ANO9: variants seen among roughly 807,000 people sequenced by gnomAD.
ANO9 encodes anoctamin-9.
In ANO9, 80 loss-of-function variants were observed where a neutral mutation model predicts 100.5. The observed-to-expected ratio is 0.80, with a 90% CI of 0.66 to 0.96. The LOEUF is 0.96. Ranked by LOEUF, ANO9 falls within the 40% of genes least tolerant of loss-of-function variation. The pLI is 0.00. For synonymous variants in ANO9, 473 were observed against 435.6 expected (o/e 1.09, Z -1.07); for missense variants, 1,064 against 1,072.7 (o/e 0.99, Z 0.11).
rs1460944557 is a variant in ANO9 at position 420,244 on chromosome 11, T to C, written c.1786+219A>G. The C allele has an allele frequency of 5.6e-6, 8 of 1,422,620 alleles. No individual in the cohort carries two copies. The African/African-American group carries it at 8.7e-5, about 15-fold the overall frequency. 88.1% of individuals were successfully genotyped at this position (1,422,620 alleles called of 1,614,324 possible). ...TCAAGCCCCTCTGAGATCCTGACGG[T>C]TTGTGGGAGGAGCCTACAAAGCGCT... On this transcript the variant is annotated intron_variant, in intron 19 of 22. Coordinates refer to ENST00000332826, the MANE Select transcript of ANO9 (RefSeq NM_001012302.3).
intron 22 of ANO9, 43 bp from the exon 23 acceptor site, chr11:418,632 C>A (rs1847983758): frequency 1.2e-6 from 2 of 1,611,194 alleles, no homozygotes; most frequent in Admixed American, 1.7e-5. Context: ...CAGGTGCCAG[C>A]TGGCATTTGG....
At chr11:429,923 T>C in intron 9 of ANO9, 105 bp from the exon 10 acceptor site, 1 of 597,012 alleles carries the variant, frequency 1.7e-6, no homozygotes, top group East Asian at 9.5e-5. Context: ...GCAGGTGGGC[T>C]GAGGAAATGG....
chr11:419,975 A>G, intron 19 of ANO9: 1 of 1,391,622 alleles, frequency 7.2e-7, no homozygotes, highest in Non-Finnish European at 9.3e-7. Context: ...ATCTTCCTGA[A>G]CTTCTCAGCT....
intron 7 of ANO9, among the ~76,000 whole-genome samples, chr11:431,076 T>G (rs548139465): frequency 5.8e-3 from 1 of 172 alleles, no homozygotes; most frequent in Non-Finnish European, 7.8e-3. Context: ...ATCTGGGGGC[T>G]TCCGCGGGGG....
At chr11:433,633 C>T (rs1043734756) in intron 3 of ANO9, among the ~76,000 whole-genome samples, 174 bp from the exon 4 acceptor site, 9 of 152,098 alleles carry the variant, frequency 5.9e-5, no homozygotes, top group Non-Finnish European at 5.9e-5. Context: ...GCTCCCCACG[C>T]CCCTGCTTCT....
At chr11:439,523 C>CTCCTGAG (rs1564940764) in intron 1 of ANO9, among the ~76,000 whole-genome samples, 5 of 136,842 alleles carry the variant, frequency 3.7e-5, no homozygotes, top group African/African-American at 8.8e-5. Flanking sequence ...TGAGAAGGAG[C>CTCCTGAG]AGGCCTGGCC....
Position 442,003 on chromosome 11 carries a change from C to T in ANO9, c.-77G>A. 1 of 1,567,448 alleles carries T rather than the reference C, an allele frequency of 6.4e-7. No homozygotes were observed. The highest frequency in any genetic ancestry group is 8.6e-7 in the Non-Finnish European group (1 of 1,163,284). On this transcript the variant is annotated 5_prime_UTR_variant, in exon 1 of 23. Transcript: ENST00000332826. The stretch of plus-strand genomic sequence containing the variant: ...GCCAGCGGCGGGTGCTCCTACCTGA[C>T]TTCCGCGTGGGGCTCGCCCCTCCCT...
chr11:441,969 A>G lies in ANO9; in HGVS notation c.-43T>C, dbSNP rs1590574414. ...TTCCAGCTGGGGTTTGGCGGCCAGG[A>G]GAGTGGCTGCCAGCGGCGGGTGCTC... On this transcript the variant is annotated 5_prime_UTR_variant, in exon 1 of 23. Coordinates refer to ENST00000332826, the MANE Select transcript of ANO9 (RefSeq NM_001012302.3). The G allele has an allele frequency of 5.0e-6, 8 of 1,599,962 alleles. No individual in the cohort carries two copies. The highest frequency in any genetic ancestry group is 6.8e-6 in the Non-Finnish European group (8 of 1,177,504).
intron 11 of ANO9, among the ~76,000 whole-genome samples, chr11:429,102 G>A (rs1848714898): frequency 7.3e-6 from 1 of 136,456 alleles, no homozygotes; most frequent in African/African-American, 2.9e-5. Flanking sequence ...CCCACACGTG[G>A]GGAGACAGAC....
chr11:428,680 G>C (rs754621114), intron 12 of ANO9, 41 bp from the exon 13 acceptor site: 1 of 1,612,174 alleles, frequency 6.2e-7, no homozygotes, highest in Non-Finnish European at 8.5e-7. Context: ...GGGAGGGCAT[G>C]CAGCCCGGGT....
At chr11:437,399 T>C (rs536985698) in intron 1 of ANO9, among the ~76,000 whole-genome samples, 1 of 151,918 alleles carries the variant, frequency 6.6e-6, no homozygotes, top group Non-Finnish European at 1.5e-5. Flanking sequence ...GCAGCCTCCC[T>C]GCGGGGGGAA....
At position 441,975 on chromosome 11, in the gene ANO9, G is replaced by A; in HGVS notation, c.-49C>T. 2.5e-6 allele frequency: 4 copies of A among 1,594,660 alleles called. No homozygotes were observed. The highest frequency in any genetic ancestry group is 3.4e-6 in the Non-Finnish European group (4 of 1,175,814). On this transcript the variant is annotated 5_prime_UTR_variant, in exon 1 of 23. Coordinates refer to ENST00000332826, the MANE Select transcript of ANO9 (RefSeq NM_001012302.3). ...CTGGGGTTTGGCGGCCAGGAGAGTGGCTGCCAGCGGCGGGTGCTCCTACCT... is the reference window on the plus strand; with the variant it reads ...CTGGGGTTTGGCGGCCAGGAGAGTGACTGCCAGCGGCGGGTGCTCCTACCT...
rs1218207879 is a variant in ANO9 at position 431,308 on chromosome 11, CTGGGGGGCTTCTGCGGGGGTG to C, written c.539+365_539+385del. Among the ~76,000 whole-genome samples, 3 of 3,512 alleles carry C rather than the reference CTGGGGGGCTTCTGCGGGGGTG, an allele frequency of 8.5e-4. No individual in the cohort carries two copies. The African/African-American group carries it at 0.015, about 17-fold the overall frequency. 2.3% of individuals were successfully genotyped at this position (3,512 alleles called of 152,430 possible). A position where few individuals can be genotyped will look rare whatever the true frequency, so the allele number is the denominator to read the frequency against. ...GGGGTGTGGGGGCGTCCGCGGGTATCTGGGGGGCTTCTGCGGGGGTGTGGGGGCTCCCGCGGGTATCTGGGG... is the reference window on the plus strand; with the variant it reads ...GGGGTGTGGGGGCGTCCGCGGGTATCTGGGGGCTCCCGCGGGTATCTGGGG... On this transcript the variant is annotated intron_variant, in intron 7 of 22. Transcript: ENST00000332826.
Position 418,987 on chromosome 11 carries a change from C to T in ANO9, c.1937G>A (p.Cys646Tyr). 6.2e-7 allele frequency: 1 copy of T among 1,612,456 alleles called. No homozygotes were observed. Among genetic ancestry groups the T allele is most frequent in the Non-Finnish European group, 8.5e-7 (1 of 1,179,760 alleles). The change falls in exon 21 of 23, where the codon TGC becomes TAC. Residue 646 changes from cysteine to tyrosine, a missense_variant and splice_region_variant. Physicochemically the swap from Cys to Tyr is radical, Grantham distance 194. Transcript: ENST00000332826. ...CLKEGNSTVD[C>Y]LKGYVNHSLS... ...GCTGTGGTTGACGTAGCCCTTGAGG[C>T]AGCTGGGGAGAGGGGAGAGGAGTGT...
chr11:438,850 A>G (rs1317766313), intron 1 of ANO9, among the ~76,000 whole-genome samples: 1 of 152,078 alleles, frequency 6.6e-6, no homozygotes, highest in Non-Finnish European at 1.5e-5. Context: ...TCCCCAGTCC[A>G]TGGGCCCCAC....
rs150653380 is a variant in ANO9 at position 420,139 on chromosome 11, C to A, written c.1786+324G>T. 12,186 of 1,341,846 alleles carry A rather than the reference C, an allele frequency of 9.1e-3. 79 individuals carry two copies. Among genetic ancestry groups the A allele is most frequent in the Non-Finnish European group, 0.011 (11,245 of 1,044,746 alleles). The allele number at this position is 1,341,846 out of a possible 1,614,324, so 83.1% of individuals were successfully genotyped here. ...CTCCCCTGCTGCCTGTCCGTCTCAG[C>A]GTGGCCAGTCTTGGGACAGAGGCCG... is the stretch of plus-strand genomic sequence containing the variant. On this transcript the variant is annotated intron_variant, in intron 19 of 22. Coordinates refer to ENST00000332826, the MANE Select transcript of ANO9 (RefSeq NM_001012302.3).
intron 1 of ANO9, among the ~76,000 whole-genome samples, chr11:441,091 T>C (rs1464098655): frequency 6.6e-6 from 1 of 152,112 alleles, no homozygotes; most frequent in African/African-American, 2.4e-5. Context: ...GTGTCAGACC[T>C]GGATGTGGAG....
intron 1 of ANO9, among the ~76,000 whole-genome samples, chr11:438,384 GC>G (rs376556283): frequency 8.0e-4 from 76 of 95,418 alleles, no homozygotes; most frequent in Middle Eastern, 8.2e-3. Flanking sequence ...GACAGGTGTA[GC>G]CCCCCCCCGA....
chr11:434,959 A>G (rs1040053727), intron 1 of ANO9, among the ~76,000 whole-genome samples: 1 of 152,182 alleles, frequency 6.6e-6, no homozygotes, highest in Non-Finnish European at 1.5e-5. Flanking sequence ...GCCAAGCTCA[A>G]GACCTGCCTC....
Sources: gnomAD v4.1 joint callset for allele counts (sites outside exome capture counted in the v4.1 genomes callset) on GRCh38, gnomAD v4.1.1 for gene constraint, MANE v1.5 for transcripts, NCBI Gene and HGNC (gene_info 2026-07-23, HGNC 2026-07-21) for gene names.